The following ZNF91 variants were observed in gnomAD, a reference collection of about 807,000 sequenced individuals.
The protein encoded by ZNF91 is zinc finger protein 91 (HPF7, HTF10).
In ZNF91, 7 loss-of-function variants were observed where a neutral mutation model predicts 12.6. The ratio of observed to expected loss-of-function variants is 0.55; its 90% CI spans 0.31 to 1.04. The LOEUF is 1.04. Ranked by LOEUF, ZNF91 falls within the 50% of genes least tolerant of loss-of-function variation. The probability of loss-of-function intolerance (pLI) is 0.05; values close to 1 mark genes in which losing one functional copy is unlikely to be tolerated. For missense variants in ZNF91, 1,217 were observed against 1,385.4 expected, an observed-to-expected ratio of 0.88 and a Z score of 1.93; for synonymous variants, 453 against 462.6, an observed-to-expected ratio of 0.98 and a Z score of 0.27.
chr19:23,323,270 TTCTTTC>T (rs1252235064), intron 1 of ZNF91, among the ~76,000 whole-genome samples: 3 of 146,460 alleles, frequency 2.0e-5, no homozygotes, highest in East Asian at 2.3e-4. Flanking sequence ...GTTCCTTTTC[TTCTTTC>T]TTCTCTCCTC....
intron 1 of ZNF91, chr19:23,325,939 CCTT>C (rs2145864383): frequency 6.6e-6 from 1 of 152,322 alleles, no homozygotes; most frequent in East Asian, 1.9e-4. Context: ...AATCCAAACT[CCTT>C]CACTTGTTTT....
chr19:23,352,125 G>T (rs1968381156), intron 3 of ZNF91, among the ~76,000 whole-genome samples: 1 of 152,190 alleles, frequency 6.6e-6, no homozygotes, highest in Admixed American at 6.5e-5. Context: ...TTCCCAGCTG[G>T]GAGGCAGGAA....
At chr19:23,345,341 C>T (rs1028333947) in intron 3 of ZNF91, among the ~76,000 whole-genome samples, 2 of 152,218 alleles carry the variant, frequency 1.3e-5, no homozygotes, top group African/African-American at 4.8e-5. Flanking sequence ...GTCAAGATAT[C>T]CGTGCCTTGT....
At chr19:23,325,604 T>C (rs888768708) in intron 1 of ZNF91, 2 of 152,202 alleles carry the variant, frequency 1.3e-5, no homozygotes, top group African/African-American at 4.8e-5. Flanking sequence ...TGGAAGGTGA[T>C]TGCCATGTAC....
At chr19:23,308,440 C>A (rs1431883198) in intron 2 of ZNF91, 1 of 152,150 alleles carries the variant, frequency 6.6e-6, no homozygotes, top group Non-Finnish European at 1.5e-5. Flanking sequence ...AAGATTGTGA[C>A]ATATCTCTTG....
intron 3 of ZNF91, among the ~76,000 whole-genome samples, chr19:23,365,754 G>T (rs990462751): frequency 1.3e-5 from 2 of 151,908 alleles, no homozygotes; most frequent in Non-Finnish European, 2.9e-5. Context: ...TTGAGATTAG[G>T]GAGTAGTGAT....
intron 1 of ZNF91, among the ~76,000 whole-genome samples, chr19:23,382,587 C>T (rs928419237): frequency 5.9e-5 from 9 of 152,132 alleles, no homozygotes; most frequent in African/African-American, 1.7e-4. Context: ...TTCTTCTCAT[C>T]GCCACGTGGC....
chr19:23,331,648 TGTG>T (rs1245217664), intron 1 of ZNF91, among the ~76,000 whole-genome samples: 10 of 152,196 alleles, frequency 6.6e-5, no homozygotes, highest in African/African-American at 2.2e-4. Context: ...TAGATGTAGA[TGTG>T]GTGAACATGG....
At chr19:23,312,765 C>CA (rs1433244219), upstream of ZNF91, among the ~76,000 whole-genome samples, 1 of 152,150 alleles carries the variant, frequency 6.6e-6, no homozygotes, top group Non-Finnish European at 1.5e-5. Context: ...ACAAATGTCT[C>CA]AGAGCAGATT....
chr19:23,382,675 C>A (rs1278827046), intron 1 of ZNF91, among the ~76,000 whole-genome samples: 1 of 152,110 alleles, frequency 6.6e-6, no homozygotes, highest in African/African-American at 2.4e-5. Flanking sequence ...ACCAAACACA[C>A]AGAGATATTA....
chr19:23,335,081 G>T (rs180978148), downstream of ZNF91, among the ~76,000 whole-genome samples: 618 of 152,306 alleles, frequency 4.1e-3, 9 homozygotes, highest in African/African-American at 0.014. Context: ...GTTGGAGTTT[G>T]CTGGAGGTCC....
intron 1 of ZNF91, among the ~76,000 whole-genome samples, chr19:23,377,892 A>G (rs1327906761): frequency 6.6e-6 from 1 of 152,184 alleles, no homozygotes; most frequent in Non-Finnish European, 1.5e-5. Context: ...GTTGATACTA[A>G]GTGTTGAATA....
chr19:23,392,798 C>CATAAATAGACAAATAA (rs1555747700), intron 1 of ZNF91, among the ~76,000 whole-genome samples: 5 of 150,726 alleles, frequency 3.3e-5, no homozygotes, highest in African/African-American at 1.2e-4. Context: ...GATTTCGACT[C>CATAAATAGACAAATAA]ATAAATAAGA....
At chr19:23,341,554 T>G (rs1968124638) in intron 3 of ZNF91, among the ~76,000 whole-genome samples, 2 of 151,848 alleles carry the variant, frequency 1.3e-5, no homozygotes, top group Non-Finnish European at 2.9e-5. Context: ...ATAATCCAAC[T>G]AAAAAATGGT....
chr19:23,374,437 G>A (rs1399890941), intron 2 of ZNF91, among the ~76,000 whole-genome samples: 1 of 148,284 alleles, frequency 6.7e-6, no homozygotes, highest in Non-Finnish European at 1.5e-5. Context: ...GTGGGCGCCT[G>A]TAGTCCCAGT....
At chr19:23,345,262 C>A (rs1968200205) in intron 3 of ZNF91, among the ~76,000 whole-genome samples, 1 of 152,146 alleles carries the variant, frequency 6.6e-6, no homozygotes, top group Admixed American at 6.5e-5. Context: ...TGGGAAATCT[C>A]AAGTTTTCCA....
rs889961001 is a variant in ZNF91 at position 23,384,887 on chromosome 19, T to C, written c.31-10123A>G. The C allele has an allele frequency of 3.8e-5, 29 of 760,818 alleles. No homozygotes were observed. The African/African-American group carries it at 4.2e-4, about 11-fold the overall frequency. 47.1% of individuals were successfully genotyped at this position (760,818 alleles called of 1,614,324 possible). ...ACTGGAGGGTCCCAAGCTCTCATGT[T>C]GCTCTTATTGTCACCGGTGAACTTT... On this transcript the variant is annotated intron_variant, in intron 1 of 3. Transcript: ENST00000300619.
Position 23,360,609 on chromosome 19 carries a change from C to A in ZNF91, c.2370G>T (p.Arg790Ser). Residue 790 changes from arginine to serine, a missense_variant, in exon 4 of 4, where the codon AGG (arginine) becomes AGT (serine). Coordinates refer to ENST00000300619, the MANE Select transcript of ZNF91 (RefSeq NM_003430.4). ...IWSSTLTRHKRIHTGEKPYKC... is the reference protein window; with the variant it reads ...IWSSTLTRHKSIHTGEKPYKC... ...TGTAGGGCTTCTCTCCAGTGTGTAT[C>A]CTCTTATGTCTAGTTAGGGTTGAAG... 1 of 1,608,748 alleles carries A rather than the reference C, an allele frequency of 6.2e-7. No homozygotes were observed.
At chr19:23,346,466 C>G (rs753472061) in intron 3 of ZNF91, among the ~76,000 whole-genome samples, 5 of 152,052 alleles carry the variant, frequency 3.3e-5, no homozygotes, top group Non-Finnish European at 7.4e-5. Context: ...GCCCATAAAG[C>G]GGTAAACTAT....
Sources: gnomAD v4.1 joint callset for allele counts (sites outside exome capture counted in the v4.1 genomes callset) on GRCh38, gnomAD v4.1.1 for gene constraint, MANE v1.5 for transcripts, NCBI Gene and HGNC (gene_info 2026-07-23, HGNC 2026-07-21) for gene names.